The following PCSK5 variants were observed in gnomAD, a reference collection of about 807,000 sequenced individuals.
The protein encoded by PCSK5 is proprotein convertase subtilisin/kexin type 5.
A neutral mutation model predicts 233.2 loss-of-function variants in PCSK5; 129 were observed. The observed-to-expected ratio is 0.55, with a 90% confidence interval of 0.48 to 0.64. The LOEUF (loss-of-function observed/expected upper bound fraction) is 0.64, where lower values mean the gene tolerates loss of function less well. Among genes scored for constraint, PCSK5 ranks in the 30% least tolerant of loss-of-function variants. The pLI, the probability that PCSK5 is intolerant of heterozygous loss-of-function variation, is 0.00. For missense variants in PCSK5, 2,076 were observed against 2,430.1 expected, an observed-to-expected ratio of 0.85 and a Z score of 3.06; for synonymous variants, 825 against 879.2, an observed-to-expected ratio of 0.94 and a Z score of 1.09.
At chr9:76,005,127 C>T (rs1420618873) in intron 3 of PCSK5, among the ~76,000 whole-genome samples, 2 of 152,178 alleles carry the variant, frequency 1.3e-5, no homozygotes, top group Non-Finnish European at 2.9e-5. Flanking sequence ...TACTACAGTA[C>T]ATGCAAAATA....
intron 20 of PCSK5, among the ~76,000 whole-genome samples, chr9:76,201,443 T>C (rs1176524712): frequency 2.0e-5 from 3 of 152,200 alleles, no homozygotes; most frequent in African/African-American, 7.2e-5. Context: ...CAGTGGTAGA[T>C]AGAAGGTCTG....
chr9:76,199,828 A>T (rs1318720092), intron 20 of PCSK5, among the ~76,000 whole-genome samples: 2 of 152,128 alleles, frequency 1.3e-5, no homozygotes, highest in Admixed American at 6.6e-5. Context: ...CTGTAGATTC[A>T]ATTAACTACT....
At chr9:75,977,994 T>A (rs1826103992) in intron 2 of PCSK5, among the ~76,000 whole-genome samples, 1 of 152,126 alleles carries the variant, frequency 6.6e-6, no homozygotes, top group Non-Finnish European at 1.5e-5. Flanking sequence ...AAAGATCATA[T>A]CCTTCATTAA....
At chr9:76,059,298 A>T (rs536757546) in intron 5 of PCSK5, among the ~76,000 whole-genome samples, 1 of 152,150 alleles carries the variant, frequency 6.6e-6, no homozygotes, top group Non-Finnish European at 1.5e-5. Flanking sequence ...ATTTTCTCCC[A>T]TTCTGTAGGT....
At chr9:75,932,599 A>T in intron 2 of PCSK5, 116 bp downstream of exon 2, 1 of 686,078 alleles carries the variant, frequency 1.5e-6, no homozygotes, top group South Asian at 1.8e-5. Flanking sequence ...GAACTGTCAT[A>T]TTATCCTTTG....
rs1287704265 is a variant in PCSK5 at position 76,295,431 on chromosome 9, C to T, written c.3322+20C>T. ...TCTTAGGTAAGTTAGAAAATGGCAC[C>T]ATCCAAGCTAAGAACCAGGCACTGG... On this transcript the variant is annotated intron_variant, in intron 26 of 37. Transcript: ENST00000674117. The T allele has an allele frequency of 3.1e-6, 5 of 1,609,742 alleles. No individual in the cohort carries two copies. In the South Asian group the frequency reaches 5.5e-5, roughly 18 times the overall value.
rs34313262 is a variant in PCSK5 at position 76,040,343 on chromosome 9, C to CTG, written c.632+13307_632+13308insGT. On this transcript the variant is annotated intron_variant, in intron 5 of 37. Coordinates refer to ENST00000674117, the MANE Select transcript of PCSK5 (RefSeq NM_001372043.1). ...GTTCTCTGTCTCTCTCTCTCTCTCTCTCTCTCTCTCTCTCTCTCTCTCTCT... is the reference window on the plus strand; with the variant it reads ...GTTCTCTGTCTCTCTCTCTCTCTCTCTGTCTCTCTCTCTCTCTCTCTCTCTCT... Among the ~76,000 whole-genome samples, 12 of 44,496 alleles carry CTG rather than the reference C, an allele frequency of 2.7e-4. No homozygotes were observed. The Admixed American group carries it at 3.0e-3, about 11-fold the overall frequency. The allele number at this position is 44,496 out of a possible 152,430, so 29.2% of individuals were successfully genotyped here.
intron 35 of PCSK5, among the ~76,000 whole-genome samples, chr9:76,347,579 G>A (rs1418059736): frequency 6.6e-6 from 1 of 152,028 alleles, no homozygotes; most frequent in South Asian, 2.1e-4. Flanking sequence ...ACAATTTATT[G>A]TTGGTCTTCT....
Position 76,332,556 on chromosome 9 carries a change from G to A in PCSK5, c.4694G>A (p.Cys1565Tyr), listed in dbSNP as rs949491935. The change falls in exon 34 of 38, where the codon TGC becomes TAC. Residue 1565 changes from cysteine (C) to tyrosine (Y), a missense_variant. Physicochemically the swap from Cys to Tyr is radical, Grantham distance 194. Around this residue, in one of 6 missense-constraint regions of PCSK5, gnomAD observed 1,510 missense variants for 1,538.1 expected, o/e 0.98. Coordinates refer to ENST00000674117, the MANE Select transcript of PCSK5 (RefSeq NM_001372043.1). Reference sequence around the variant, plus strand: ...AGACACAGCAGGCAGTGCCACTCCTGCCGACCGGGCTGGTTCCAGCTAGGA... The same window carrying A: ...AGACACAGCAGGCAGTGCCACTCCTACCGACCGGGCTGGTTCCAGCTAGGA... ...EGRHSRQCHS[C>Y]RPGWFQLGKE... The A allele has an allele frequency of 6.2e-7, 1 of 1,611,480 alleles. No individual in the cohort carries two copies. Among genetic ancestry groups the A allele is most frequent in the Admixed American group, 1.7e-5 (1 of 59,788 alleles).
At chr9:76,029,652 A>G (rs895044847) in intron 5 of PCSK5, among the ~76,000 whole-genome samples, 2 of 152,112 alleles carry the variant, frequency 1.3e-5, no homozygotes, top group African/African-American at 4.8e-5. Flanking sequence ...AAGCCCAGCC[A>G]TGGGTTTGTA....
chr9:75,899,036 G>A (rs1199832088), intron 1 of PCSK5, among the ~76,000 whole-genome samples: 1 of 152,092 alleles, frequency 6.6e-6, no homozygotes, highest in African/African-American at 2.4e-5. Context: ...AATGATTATT[G>A]GTAATGGAAA....
chr9:75,891,691 A>G (rs1422844944), intron 1 of PCSK5, among the ~76,000 whole-genome samples: 1 of 151,844 alleles, frequency 6.6e-6, no homozygotes, highest in African/African-American at 2.4e-5. Context: ...TTTTGACCTG[A>G]AAAGTCGAGT....
chr9:76,292,419 G>C, intron 25 of PCSK5, 144 bp downstream of exon 25: 1 of 628,494 alleles, frequency 1.6e-6, no homozygotes, highest in South Asian at 2.1e-5. Context: ...AGCAATTCTT[G>C]GATTTAGCAA....
chr9:75,955,162 A>C (rs2131332509), intron 2 of PCSK5, among the ~76,000 whole-genome samples: 1 of 152,290 alleles, frequency 6.6e-6, no homozygotes, highest in East Asian at 1.9e-4. Context: ...ACTTTGGGGA[A>C]AGTGCCTCTC....
At position 76,323,527 on chromosome 9, in the gene PCSK5, A is replaced by G. The variant is rs535437351; in HGVS notation, c.4339+239A>G. ...GCCTCCAGAGTTGCTGGGAACATAG[A>G]GATGAGGTCTCAGAATGTTGCCTAG... On this transcript the variant is annotated intron_variant, in intron 32 of 37. Transcript: ENST00000674117. 3.9e-5 allele frequency among the ~76,000 whole-genome samples: 6 copies of G among 152,110 alleles called. No homozygotes were observed. In the South Asian group the frequency reaches 1.2e-3, roughly 32 times the overall value.
chr9:75,893,373 C>G (rs1825689092), intron 1 of PCSK5, among the ~76,000 whole-genome samples: 2 of 152,070 alleles, frequency 1.3e-5, no homozygotes, highest in Non-Finnish European at 2.9e-5. Flanking sequence ...TTTAGGGAAC[C>G]CTTCCATGCC....
At chr9:76,168,363 G>C (rs1401994669) in intron 12 of PCSK5, among the ~76,000 whole-genome samples, 2 of 152,196 alleles carry the variant, frequency 1.3e-5, no homozygotes, top group African/African-American at 4.8e-5. Context: ...TGGCCAGACT[G>C]GTCTGAACTC....
intron 9 of PCSK5, among the ~76,000 whole-genome samples, chr9:76,133,553 C>T (rs913165624): frequency 6.6e-6 from 1 of 152,020 alleles, no homozygotes; most frequent in African/African-American, 2.4e-5. Flanking sequence ...GCTTTGGGTT[C>T]TGTACCATGT....
intron 20 of PCSK5, among the ~76,000 whole-genome samples, chr9:76,220,155 C>G (rs1262432227): frequency 1.3e-5 from 2 of 152,310 alleles, no homozygotes; most frequent in African/African-American, 4.8e-5. Context: ...CATCCACCAA[C>G]AACGTTTTTC....
Sources: allele counts gnomAD v4.1 joint callset (sites outside exome capture counted in the v4.1 genomes callset), GRCh38; gene constraint gnomAD v4.1.1; regional missense constraint gnomAD v4.1.1; transcripts MANE v1.5; gene names NCBI Gene and HGNC (gene_info 2026-07-23, HGNC 2026-07-21).